The following TMEM120B variants were observed in gnomAD, a reference collection of about 807,000 sequenced individuals.
TMEM120B encodes transmembrane protein 120B.
In TMEM120B, 31 loss-of-function variants were observed where a neutral mutation model predicts 55.5. The observed-to-expected ratio is 0.56, with a 90% CI of 0.42 to 0.75. The LOEUF is 0.75. Ranked by LOEUF, TMEM120B falls within the 30% of genes least tolerant of loss-of-function variation. TMEM120B has a pLI of 0.00. For synonymous variants in TMEM120B, 203 were observed against 176.3 expected, an observed-to-expected ratio of 1.15 and a Z score of -1.20; for missense variants, 399 against 425.5, an observed-to-expected ratio of 0.94 and a Z score of 0.55.
rs1267782115 is a variant in TMEM120B, at chr12:121,712,893, A to G, written c.-3A>G. 3.3e-6 allele frequency: 5 copies of G among 1,526,116 alleles called. No individual in the cohort carries two copies. Among genetic ancestry groups the G allele is most frequent in the South Asian group, 1.3e-5 (1 of 79,220 alleles). 94.5% of individuals were successfully genotyped at this position (1,526,116 alleles called of 1,614,324 possible). A position where few individuals can be genotyped will look rare whatever the true frequency, so the allele number is the denominator to read the frequency against. On this transcript the variant is annotated 5_prime_UTR_variant, in exon 1 of 12. Coordinates refer to ENST00000449592, the MANE Select transcript of TMEM120B (RefSeq NM_001080825.2). Reference sequence around the variant, plus strand: ...CGGCACCGCCGCCTTGCACCATCGCATCATGTCCGGGCAGCTGGAGCGTTG... The same window carrying G: ...CGGCACCGCCGCCTTGCACCATCGCGTCATGTCCGGGCAGCTGGAGCGTTG...
At chr12:121,722,044 G>A (rs1212289091) in intron 1 of TMEM120B, among the ~76,000 whole-genome samples, 2 of 149,664 alleles carry the variant, frequency 1.3e-5, no homozygotes, top group South Asian at 2.1e-4. Flanking sequence ...CTTGTGATCC[G>A]CCCGCTTTGG....
chr12:121,743,691 CA>C lies in TMEM120B; in HGVS notation c.133del (p.Ser45ValfsTer13). ...TGGCTGCGCTGCAGACGCTGTGTAGCAGTTCCATCAGTAAGCAGAAGAAGCA... is the reference window on the plus strand; with the variant it reads ...TGGCTGCGCTGCAGACGCTGTGTAGCGTTCCATCAGTAAGCAGAAGAAGCA... ...ELAALQTLCS[S>X]SISKQKKHLK... On this transcript the variant is annotated frameshift_variant, in exon 2 of 12. Transcript: ENST00000449592. LOFTEE classifies it high-confidence loss of function. 6.2e-7 allele frequency: 1 copy of C among 1,613,658 alleles called. No homozygotes were observed. The highest frequency in any genetic ancestry group is 8.5e-7 in the Non-Finnish European group (1 of 1,179,960).
rs1277789835 is a variant in TMEM120B at position 121,754,024 on chromosome 12, T to TG, written c.461+1802dup. ...TTCCTTTCTCTGGCCCTGGGTTCTC[T>TG]GTCCCCAGGGGAAGCGGTCAAGTAC... On this transcript the variant is annotated intron_variant, in intron 5 of 11. Transcript: ENST00000449592. 6.7e-4 allele frequency among the ~76,000 whole-genome samples: 102 copies of TG among 152,368 alleles called. 1 individual carries two copies. The highest frequency in any genetic ancestry group is 2.4e-3 in the Admixed American group (37 of 15,314).
intron 6 of TMEM120B, among the ~76,000 whole-genome samples, chr12:121,766,224 C>A (rs1056435923): frequency 2.6e-5 from 4 of 152,072 alleles, no homozygotes; most frequent in African/African-American, 9.7e-5. Context: ...ACTTCCTCAT[C>A]GAGATATGAA....
chr12:121,718,151 C>T (rs906393165), intron 1 of TMEM120B, among the ~76,000 whole-genome samples: 2 of 152,108 alleles, frequency 1.3e-5, no homozygotes, highest in African/African-American at 4.8e-5. Context: ...ACAATAATAG[C>T]TAACTGCGTG....
In TMEM120B at chr12:121,775,842, A is replaced by G; in HGVS notation, c.*120A>G. On this transcript the variant is annotated 3_prime_UTR_variant, in exon 12 of 12. Coordinates refer to ENST00000449592, the MANE Select transcript of TMEM120B (RefSeq NM_001080825.2). The surrounding 1 kb of genome is among the most constrained non-coding windows in gnomAD (Gnocchi z 4.3). ...GAGAGGGCCCAGGCCCTGGTCCCCCAGTGGACCCCAGTGGTCTAGAGGAAT... is the reference window on the plus strand; with the variant it reads ...GAGAGGGCCCAGGCCCTGGTCCCCCGGTGGACCCCAGTGGTCTAGAGGAAT... 1.0e-6 allele frequency: 1 copy of G among 984,156 alleles called. No homozygotes were observed. Among genetic ancestry groups the G allele is most frequent in the Admixed American group, 2.0e-5 (1 of 49,900 alleles). The allele number at this position is 984,156 out of a possible 1,614,324, so 61.0% of individuals were successfully genotyped here. A position where few individuals can be genotyped will look rare whatever the true frequency, so the allele number is the denominator to read the frequency against.
rs1205335015 is a variant in TMEM120B at position 121,737,329 on chromosome 12, AC to A, written c.70-6297del. On this transcript the variant is annotated intron_variant, in intron 1 of 11. Transcript: ENST00000449592. ...ATACCAGCCTGGCCAAAATGATGAA[AC>A]CCTGTTTCTACTAAAAATACAAAAA... 4.6e-5 allele frequency among the ~76,000 whole-genome samples: 7 copies of A among 152,064 alleles called. No homozygotes were observed. The East Asian group carries it at 1.4e-3, about 29-fold the overall frequency.
intron 2 of TMEM120B, among the ~76,000 whole-genome samples, chr12:121,744,729 C>G (rs1044752272): frequency 3.3e-5 from 5 of 152,152 alleles, no homozygotes; most frequent in African/African-American, 1.2e-4. Context: ...GTGACTTGTC[C>G]CAGGTCACTT....
In TMEM120B at chr12:121,779,452, G is replaced by A; in HGVS notation, c.*3730G>A. ...CCTCCCTGGTGCAATCGGCACCTGG[G>A]CCCCCGGGCCCTGTCAGTGCTGTCG... On this transcript the variant is annotated 3_prime_UTR_variant, in exon 12 of 12. Coordinates refer to ENST00000449592, the MANE Select transcript of TMEM120B (RefSeq NM_001080825.2). The A allele has an allele frequency of 6.3e-7, 1 of 1,594,568 alleles. No individual in the cohort carries two copies. The highest frequency in any genetic ancestry group is 8.5e-7 in the Non-Finnish European group (1 of 1,172,812).
chr12:121,731,095 T>C (rs930605201), intron 1 of TMEM120B, among the ~76,000 whole-genome samples: 5 of 152,058 alleles, frequency 3.3e-5, no homozygotes, highest in African/African-American at 1.2e-4. Context: ...AATTATTTGA[T>C]GGGTTCATAG....
At chr12:121,767,247 G>A (rs1362691241) in intron 6 of TMEM120B, among the ~76,000 whole-genome samples, 3 of 152,108 alleles carry the variant, frequency 2.0e-5, no homozygotes, top group East Asian at 1.9e-4. Context: ...TGCAAGCTCC[G>A]CGTCCCGGGT....
At chr12:121,760,990 T>C (rs192030093) in intron 5 of TMEM120B, among the ~76,000 whole-genome samples, 1 of 152,262 alleles carries the variant, frequency 6.6e-6, no homozygotes, top group African/African-American at 2.4e-5. Context: ...TTCTTTTGTT[T>C]TTTTTTGGGA....
chr12:121,731,334 G>A (rs916149532), intron 1 of TMEM120B, among the ~76,000 whole-genome samples: 2 of 152,006 alleles, frequency 1.3e-5, no homozygotes, highest in African/African-American at 4.8e-5. Flanking sequence ...TCACTGCAAC[G>A]TCTGCCTCCC....
At chr12:121,720,340 C>A (rs1894771252) in intron 1 of TMEM120B, among the ~76,000 whole-genome samples, 1 of 152,132 alleles carries the variant, frequency 6.6e-6, no homozygotes, top group African/African-American at 2.4e-5. Flanking sequence ...GGTGGTGTTT[C>A]TATGGTGATG....
At chr12:121,746,604 A>G (rs538640271) in intron 2 of TMEM120B, among the ~76,000 whole-genome samples, 241 of 152,214 alleles carry the variant, frequency 1.6e-3, no homozygotes, top group African/African-American at 5.7e-3. Flanking sequence ...AAGTGCTGGG[A>G]TCATAGGCGT....
Position 121,775,623 on chromosome 12 carries a change from G to T in TMEM120B, c.921G>T (p.Ala307=), listed in dbSNP as rs747784938. Residue 307 remains alanine (A), a synonymous_variant, in exon 12 of 12, where the codon GCG becomes GCT. Transcript: ENST00000449592. This position sits in a 1 kb window ranked among gnomAD's most constrained non-coding sequence, Gnocchi z 4.3. Reference sequence around the variant, plus strand: ...GACTCCCCCAGGTGTTCGTACTGGCGTTCACCTTCCTCATCCTCTTCCTCG... The same window carrying T: ...GACTCCCCCAGGTGTTCGTACTGGCTTTCACCTTCCTCATCCTCTTCCTCG... The part of the protein sequence containing the change: ...ECREWQVFVL[A]FTFLILFLGN... 1 of 1,613,820 alleles carries T rather than the reference G, an allele frequency of 6.2e-7. No individual in the cohort carries two copies. The highest frequency in any genetic ancestry group is 1.1e-5 in the South Asian group (1 of 91,082).
chr12:121,726,280 T>C (rs1894889820), intron 1 of TMEM120B, among the ~76,000 whole-genome samples: 1 of 151,898 alleles, frequency 6.6e-6, no homozygotes, highest in South Asian at 2.1e-4. Flanking sequence ...TCAATGAAGT[T>C]GTTAAAAATA....
At chr12:121,744,419 C>T (rs749682050) in intron 2 of TMEM120B, among the ~76,000 whole-genome samples, 4 of 152,148 alleles carry the variant, frequency 2.6e-5, no homozygotes, top group Admixed American at 6.5e-5. Context: ...AGTAGTTTCC[C>T]GGGTGAAAGT....
In TMEM120B at chr12:121,779,592, A is replaced by G. The variant is rs780440803; in HGVS notation, c.*3870A>G. ...GGCGGCCTCCCGGAAGACGTCCTCC[A>G]CATTCTCCCGAAACTTGGCGGAACA... On this transcript the variant is annotated 3_prime_UTR_variant, in exon 12 of 12. Transcript: ENST00000449592. 1.2e-6 allele frequency: 2 copies of G among 1,614,204 alleles called. No individual in the cohort carries two copies. Among genetic ancestry groups the G allele is most frequent in the Non-Finnish European group, 1.7e-6 (2 of 1,180,026 alleles).
Sources: gnomAD v4.1 joint callset for allele counts (sites outside exome capture counted in the v4.1 genomes callset) on GRCh38, gnomAD v4.1.1 for gene constraint, Gnocchi (gnomAD v3.1) non-coding constraint, MANE v1.5 for transcripts, NCBI Gene and HGNC (gene_info 2026-07-23, HGNC 2026-07-21) for gene names.